Variants in PHF8 observed in about 807,000 individuals in gnomAD.
The protein encoded by PHF8 is histone lysine demethylase PHF8.
A neutral mutation model predicts 74.4 loss-of-function variants in PHF8; 9 were observed. That is an observed-to-expected ratio of 0.12 (90% CI 0.07 to 0.21). The LOEUF (loss-of-function observed/expected upper bound fraction) is 0.21, where lower values mean the gene tolerates loss of function less well. PHF8 is among the 10% of genes least tolerant of loss of function. The probability of loss-of-function intolerance (pLI) is 1.00; values close to 1 mark genes in which losing one functional copy is unlikely to be tolerated. For synonymous variants in PHF8, 311 were observed against 316.6 expected (o/e 0.98, Z 0.19); for missense variants, 478 against 816.6 (o/e 0.59, Z 5.05).
intron 14 of PHF8, among the ~76,000 whole-genome samples, chrX:53,990,629 A>G (rs1409083708): frequency 9.0e-6 from 1 of 111,716 alleles, no homozygotes; most frequent in African/African-American, 3.2e-5. Context: ...TGTTGCTTTC[A>G]GAATCTGCCC....
chrX:54,033,031 G>A (rs185270627), intron 2 of PHF8, among the ~76,000 whole-genome samples: 8 of 111,124 alleles, frequency 7.2e-5, no homozygotes, highest in South Asian at 3.8e-4. Context: ...AAAGCAGACC[G>A]ACTAGAGACA....
intron 18 of PHF8, among the ~76,000 whole-genome samples, chrX:53,964,884 AAAAAG>A (rs1370839371): frequency 1.8e-5 from 2 of 109,089 alleles, no homozygotes; most frequent in African/African-American, 6.7e-5. Context: ...AAAAAAAAAA[AAAAAG>A]AAAAGAAAGA....
intron 18 of PHF8, among the ~76,000 whole-genome samples, chrX:53,978,122 A>G (rs1681669826): frequency 9.3e-6 from 1 of 107,427 alleles, no homozygotes. Context: ...AATTTTTTGT[A>G]TTTTTAGTAG....
chrX:54,025,768 C>G (rs1327065926), intron 2 of PHF8, among the ~76,000 whole-genome samples: 1 of 111,768 alleles, frequency 8.9e-6, no homozygotes, highest in Non-Finnish European at 1.9e-5. Context: ...ACAAGTCTAT[C>G]TATCCAGCTC....
intron 4 of PHF8, among the ~76,000 whole-genome samples, chrX:54,022,019 A>G (rs2066186391): frequency 9.0e-6 from 1 of 111,471 alleles, no homozygotes; most frequent in African/African-American, 3.3e-5. Context: ...TGATCCTAAG[A>G]CTCCTTCTAG....
intron 13 of PHF8, 45 bp from the exon 14 acceptor site, chrX:53,992,884 T>C (rs1557101787): frequency 4.5e-6 from 4 of 883,739 alleles, no homozygotes; most frequent in East Asian, 3.1e-5. Context: ...GGGACTCCCA[T>C]GGGAATCACG....
intron 19 of PHF8, chrX:53,944,500 G>C: frequency 2.9e-6 from 1 of 350,648 alleles, no homozygotes; most frequent in Non-Finnish European, 5.0e-6. Flanking sequence ...GGGCATGATG[G>C]TTCATGCCTG....
intron 18 of PHF8, among the ~76,000 whole-genome samples, chrX:53,972,220 G>A (rs1483676645): frequency 9.3e-6 from 1 of 107,186 alleles, no homozygotes; most frequent in Non-Finnish European, 1.9e-5. Flanking sequence ...CTACTCGAGA[G>A]GCTGAGGCAG....
intron 18 of PHF8, among the ~76,000 whole-genome samples, chrX:53,982,539 G>A (rs2065495080): frequency 8.9e-6 from 1 of 112,567 alleles, no homozygotes; most frequent in African/African-American, 3.2e-5. Context: ...AACAACCTAT[G>A]AGGTAGGTAT....
At chrX:53,987,027 T>C in intron 16 of PHF8, 51 bp downstream of exon 16, 1 of 755,579 alleles carries the variant, frequency 1.3e-6, no homozygotes, top group South Asian at 2.1e-5. Flanking sequence ...ATCTGTCTTC[T>C]GTCTCTATCA....
intron 18 of PHF8, among the ~76,000 whole-genome samples, chrX:53,972,863 G>C (rs2065316310): frequency 1.8e-5 from 2 of 111,544 alleles, no homozygotes; most frequent in African/African-American, 6.5e-5. Context: ...CATTATCTTT[G>C]TTTTCAGATG....
intron 14 of PHF8, among the ~76,000 whole-genome samples, chrX:53,991,969 A>C (rs2065673059): frequency 8.9e-6 from 1 of 111,963 alleles, no homozygotes. Flanking sequence ...GATGGGTGTG[A>C]GATTTTTCAC....
intron 2 of PHF8, among the ~76,000 whole-genome samples, chrX:54,035,265 G>A (rs1441553909): frequency 9.3e-6 from 1 of 107,472 alleles, no homozygotes; most frequent in Non-Finnish European, 1.9e-5. Flanking sequence ...GCTAAGGTGG[G>A]AGAATCGCTT....
At chrX:54,001,678 T>C (rs1557104250) in intron 10 of PHF8, among the ~76,000 whole-genome samples, 1 of 109,936 alleles carries the variant, frequency 9.1e-6, no homozygotes, top group Admixed American at 9.7e-5. Flanking sequence ...GCAAAAGGAG[T>C]CTGAGGTGGG....
rs782337267 is a variant in PHF8 at position 54,023,931 on chromosome X, T to C, written c.99-1088A>G. Among the ~76,000 whole-genome samples, 5 of 109,753 alleles carry C rather than the reference T, an allele frequency of 4.6e-5. No homozygotes were observed. The South Asian group carries it at 1.5e-3, about 34-fold the overall frequency. ...AGAGAACATTAAGGCAGAGCTCAAG[T>C]TGTTTCAGCCAAGATCATGCTCATA... On this transcript the variant is annotated intron_variant, in intron 2 of 21. Coordinates refer to ENST00000338154, the MANE Select transcript of PHF8 (RefSeq NM_015107.3).
At chrX:53,981,227 AAAC>A (rs1469457395) in intron 18 of PHF8, among the ~76,000 whole-genome samples, 3 of 112,138 alleles carry the variant, frequency 2.7e-5, no homozygotes, top group Admixed American at 9.5e-5. Context: ...ACAAACAAAC[AAAC>A]AACAACAAAA....
intron 18 of PHF8, among the ~76,000 whole-genome samples, chrX:53,965,146 A>G (rs1557092089): frequency 8.9e-6 from 1 of 112,050 alleles, no homozygotes; most frequent in East Asian, 2.8e-4. Flanking sequence ...AAAAAAAAAG[A>G]ACATGCACGT....
rs782223589 is a variant in PHF8 at position 54,012,156 on chromosome X, A to G, written c.784-872T>C. Among the ~76,000 whole-genome samples the G allele has an allele frequency of 9.0e-5, 10 of 111,113 alleles. No individual in the cohort carries two copies. The South Asian group carries it at 3.7e-3, about 42-fold the overall frequency. On this transcript the variant is annotated intron_variant, in intron 7 of 21. Transcript: ENST00000338154. The stretch of plus-strand genomic sequence containing the variant: ...AGTTAAGAACTACAACTGAATTATT[A>G]AGATATAAAGAAATATTATGTCTTT...
intron 2 of PHF8, among the ~76,000 whole-genome samples, chrX:54,024,803 G>A (rs868915583): frequency 1.6e-4 from 18 of 111,931 alleles, no homozygotes; most frequent in South Asian, 3.7e-4. Flanking sequence ...TTTTATATCC[G>A]TTCAATCTAA....
Sources: gnomAD v4.1 joint callset for allele counts (sites outside exome capture counted in the v4.1 genomes callset) on GRCh38, gnomAD v4.1.1 for gene constraint, MANE v1.5 for transcripts, NCBI Gene and HGNC (gene_info 2026-07-23, HGNC 2026-07-21) for gene names.